The following SCN10A variants were observed in gnomAD, a reference collection of about 807,000 sequenced individuals.
SCN10A encodes sodium channel protein type 10 subunit alpha.
In SCN10A, 162 loss-of-function variants were observed where a neutral mutation model predicts 170.7. The observed-to-expected ratio is 0.95, with a 90% CI of 0.84 to 1.08. SCN10A has a LOEUF of 1.08. Among genes scored for constraint, SCN10A ranks in the 50% least tolerant of loss-of-function variants. The probability of loss-of-function intolerance (pLI) is 0.00; values close to 1 mark genes in which losing one functional copy is unlikely to be tolerated. For synonymous variants in SCN10A, 985 were observed against 904.6 expected, an observed-to-expected ratio of 1.09 and a Z score of -1.59; for missense variants, 2,527 against 2,436.9, an observed-to-expected ratio of 1.04 and a Z score of -0.78.
At chr3:38,799,105 T>C (rs2064357108) in intron 1 of SCN10A, among the ~76,000 whole-genome samples, 1 of 152,154 alleles carries the variant, frequency 6.6e-6, no homozygotes, top group South Asian at 2.1e-4. Context: ...TAATATCAGG[T>C]GGGAGGGGTT....
chr3:38,789,578 G>T (rs189208614), intron 3 of SCN10A, among the ~76,000 whole-genome samples: 6 of 152,090 alleles, frequency 3.9e-5, no homozygotes, highest in Non-Finnish European at 8.8e-5. Flanking sequence ...AGATTGTTTG[G>T]GTAACTTAGT....
chr3:38,760,000 A>G (rs1445969017), intron 8 of SCN10A, among the ~76,000 whole-genome samples: 4 of 152,190 alleles, frequency 2.6e-5, no homozygotes, highest in African/African-American at 9.7e-5. Flanking sequence ...AGAGCATTTG[A>G]CACAAATAAG....
At chr3:38,738,441 A>G (rs1410811117) in intron 15 of SCN10A, among the ~76,000 whole-genome samples, 1 of 152,170 alleles carries the variant, frequency 6.6e-6, no homozygotes, top group Non-Finnish European at 1.5e-5. Context: ...TCAGGGGCTC[A>G]GCACTGTCTC....
At chr3:38,799,918 T>C (rs1444444671) in intron 1 of SCN10A, among the ~76,000 whole-genome samples, 1 of 152,092 alleles carries the variant, frequency 6.6e-6, no homozygotes, top group Non-Finnish European at 1.5e-5. Flanking sequence ...TGTCCTAAGA[T>C]ATGTTCTCTA....
At chr3:38,700,812 A>G (rs2063148620) in intron 27 of SCN10A, among the ~76,000 whole-genome samples, 8 of 152,228 alleles carry the variant, frequency 5.3e-5, no homozygotes, top group Admixed American at 5.2e-4. Context: ...ACACCCCGAC[A>G]TGAAAAGTAA....
rs145916303 is a variant in SCN10A, at chr3:38,766,914, A to G, written c.600-3318T>C. 3.9e-5 allele frequency among the ~76,000 whole-genome samples: 6 copies of G among 152,056 alleles called. No homozygotes were observed. The East Asian group carries it at 1.2e-3, about 29-fold the overall frequency. On this transcript the variant is annotated intron_variant, in intron 5 of 27. Transcript: ENST00000449082. Reference sequence around the variant, plus strand: ...TACTGTTTCAATCTCGCTACTTGTTATTGGTCTGTTTAGAGTTTCTATTAC... The same window carrying G: ...TACTGTTTCAATCTCGCTACTTGTTGTTGGTCTGTTTAGAGTTTCTATTAC...
intron 11 of SCN10A, among the ~76,000 whole-genome samples, chr3:38,754,852 T>C (rs1300530317): frequency 1.3e-5 from 2 of 151,946 alleles, no homozygotes; most frequent in African/African-American, 4.8e-5. Context: ...GTGAGAGGTA[T>C]AAAGCATAAA....
chr3:38,748,078 A>G (rs1233391938), intron 13 of SCN10A, among the ~76,000 whole-genome samples: 5 of 152,210 alleles, frequency 3.3e-5, no homozygotes, highest in African/African-American at 1.2e-4. Flanking sequence ...AGAGAGAAGG[A>G]GGAAGCTTAA....
chr3:38,756,801 A>G lies in SCN10A; in HGVS notation c.1163T>C (p.Leu388Pro), dbSNP rs199734710. Reference sequence around the variant, plus strand: ...GACTACAGCCAAGATCAAGTTGACCAGGTAGAAAGATCCCAGGAAGATTAC... The same window carrying G: ...GACTACAGCCAAGATCAAGTTGACCGGGTAGAAAGATCCCAGGAAGATTAC... The part of the protein sequence containing the change: ...VLVIFLGSFY[L>P]VNLILAVVTM... Residue 388 changes from leucine to proline, a missense_variant, in exon 10 of 28, where the codon CTG (leucine) becomes CCG (proline). By Grantham distance (98) the Leu-to-Pro change is moderately conservative. Transcript: ENST00000449082. The G allele has an allele frequency of 1.1e-4, 183 of 1,614,216 alleles. No homozygotes were observed. The highest frequency in any genetic ancestry group is 7.5e-4 in the Admixed American group (45 of 60,026).
In SCN10A at chr3:38,739,470, A is replaced by T. The variant is rs753912194; in HGVS notation, c.2280+45T>A. On this transcript the variant is annotated intron_variant, in intron 15 of 27. Coordinates refer to ENST00000449082, the MANE Select transcript of SCN10A (RefSeq NM_006514.4). ...TCCCCAGAGCACAGTGTCTTCCCTG[A>T]ATCTGGGTGGGAGTTTCCCCAAGCC... 19 of 1,572,758 alleles carry T rather than the reference A, an allele frequency of 1.2e-5. No homozygotes were observed. In the Admixed American group the frequency reaches 3.2e-4, roughly 27 times the overall value.
chr3:38,798,865 T>C (rs890557971), intron 1 of SCN10A, among the ~76,000 whole-genome samples: 4 of 144,108 alleles, frequency 2.8e-5, no homozygotes, highest in African/African-American at 7.7e-5. Context: ...TCACAGCTCA[T>C]TGCAGCCTTG....
chr3:38,780,884 A>T (rs1022115128), intron 4 of SCN10A, among the ~76,000 whole-genome samples: 8 of 152,098 alleles, frequency 5.3e-5, no homozygotes, highest in African/African-American at 1.9e-4. Flanking sequence ...AACCTTGAAG[A>T]TGAGGAGAGT....
intron 26 of SCN10A, among the ~76,000 whole-genome samples, chr3:38,703,891 C>T (rs995823661): frequency 6.6e-6 from 1 of 152,150 alleles, no homozygotes; most frequent in Non-Finnish European, 1.5e-5. Flanking sequence ...CTGCTCTAAC[C>T]CTGGTGTCTG....
Position 38,728,812 on chromosome 3 carries a change from G to A in SCN10A, c.2370C>T (p.Leu790=). The A allele has an allele frequency of 6.2e-7, 1 of 1,614,156 alleles. No homozygotes were observed. Among genetic ancestry groups the A allele is most frequent in the Non-Finnish European group, 8.5e-7 (1 of 1,180,030 alleles). Residue 790 remains leucine (L), a synonymous_variant, in exon 16 of 28, where the codon CTC becomes CTT. Transcript: ENST00000449082. ...AGACAATGATGGCCAGGATGATGGT[G>A]AGGTTCCCCAGTGCCCCCACTGAGT... The part of the protein sequence containing the change: ...IGNSVGALGN[L]TIILAIIVFV...
intron 26 of SCN10A, among the ~76,000 whole-genome samples, chr3:38,703,146 T>C (rs1473414758): frequency 1.3e-5 from 2 of 152,174 alleles, no homozygotes; most frequent in Non-Finnish European, 2.9e-5. Flanking sequence ...TAAAACCCCT[T>C]CTTGCTTTGA....
In SCN10A at chr3:38,708,731, G is replaced by A. The variant is rs537585716; in HGVS notation, c.4281+747C>T. Among the ~76,000 whole-genome samples the A allele has an allele frequency of 7.5e-4, 114 of 152,272 alleles. 2 individuals carry two copies. The South Asian group carries it at 0.023, about 31-fold the overall frequency. On this transcript the variant is annotated intron_variant, in intron 25 of 27. Coordinates refer to ENST00000449082, the MANE Select transcript of SCN10A (RefSeq NM_006514.4). Reference sequence around the variant, plus strand: ...GTAGGTATTATTAGCCCCATTGAATGAATGAGAAAACTGAGACTCAGAGGG... The same window carrying A: ...GTAGGTATTATTAGCCCCATTGAATAAATGAGAAAACTGAGACTCAGAGGG...
intron 1 of SCN10A, among the ~76,000 whole-genome samples, chr3:38,811,052 C>T (rs1174197000): frequency 1.3e-5 from 2 of 152,154 alleles, no homozygotes; most frequent in Non-Finnish European, 2.9e-5. Flanking sequence ...TGGAGCCATA[C>T]TTTCCATGCT....
intron 4 of SCN10A, among the ~76,000 whole-genome samples, chr3:38,776,132 A>G (rs2064071157): frequency 1.3e-5 from 2 of 152,114 alleles, no homozygotes; most frequent in African/African-American, 4.8e-5. Flanking sequence ...CTAGGACAAA[A>G]GGATCATTGG....
chr3:38,709,386 G>C (rs2063246728), intron 25 of SCN10A, 92 bp downstream of exon 25: 1 of 1,339,224 alleles, frequency 7.5e-7, no homozygotes, highest in Non-Finnish European at 1.0e-6. Flanking sequence ...GAGTAGTGTT[G>C]GCTTTTGTCA....
Sources: allele counts gnomAD v4.1 joint callset (sites outside exome capture counted in the v4.1 genomes callset), GRCh38; gene constraint gnomAD v4.1.1; transcripts MANE v1.5; gene names NCBI Gene and HGNC (gene_info 2026-07-23, HGNC 2026-07-21).